ADAP2: variants seen among roughly 807,000 people sequenced by gnomAD.
ADAP2 encodes ArfGAP with dual PH domains 2.
ADAP2 carries 42 observed loss-of-function variants against 54.9 expected under a neutral mutation model. That is an observed-to-expected ratio of 0.77 (90% CI 0.60 to 0.99). ADAP2 has a LOEUF of 0.99. Among genes scored for constraint, ADAP2 ranks in the 50% least tolerant of loss-of-function variants. The pLI is 0.00. For synonymous variants in ADAP2, 177 were observed against 180.1 expected, an observed-to-expected ratio of 0.98 and a Z score of 0.14; for missense variants, 429 against 480.4, an observed-to-expected ratio of 0.89 and a Z score of 1.00.
chr17:30,941,358 C>T (rs968982847), intron 5 of ADAP2, among the ~76,000 whole-genome samples: 5 of 152,212 alleles, frequency 3.3e-5, no homozygotes, highest in African/African-American at 1.2e-4. Flanking sequence ...CTTGTCCCTC[C>T]TTAACAAGTT....
chr17:30,931,348 A>G (rs934122854), intron 3 of ADAP2, among the ~76,000 whole-genome samples: 10 of 152,216 alleles, frequency 6.6e-5, no homozygotes, highest in African/African-American at 2.4e-4. Flanking sequence ...TGCTACTGGC[A>G]TCTAATGGGT....
Position 30,956,487 on chromosome 17 carries a change from A to C in ADAP2, c.1111+18A>C. The C allele has an allele frequency of 1.2e-6, 2 of 1,612,092 alleles. No individual in the cohort carries two copies. Among genetic ancestry groups the C allele is most frequent in the Non-Finnish European group, 1.7e-6 (2 of 1,178,530 alleles). On this transcript the variant is annotated intron_variant, in intron 10 of 10. Transcript: ENST00000330889. Reference sequence around the variant, plus strand: ...CCGGCTTAGTAAGAAGCAGGAACTGAGGGGTGTTCTTTTGGACAAGGGCAG... The same window carrying C: ...CCGGCTTAGTAAGAAGCAGGAACTGCGGGGTGTTCTTTTGGACAAGGGCAG...
chr17:30,950,794 A>T (rs529099556), intron 7 of ADAP2, among the ~76,000 whole-genome samples: 12 of 152,324 alleles, frequency 7.9e-5, no homozygotes, highest in Admixed American at 6.5e-4. Context: ...TGCACCCAGA[A>T]CTGGTTAATG....
intron 5 of ADAP2, among the ~76,000 whole-genome samples, chr17:30,940,020 G>A (rs918844262): frequency 6.6e-6 from 1 of 152,074 alleles, no homozygotes; most frequent in Non-Finnish European, 1.5e-5. Context: ...GGAGTACAGT[G>A]GTGCAATTCT....
At chr17:30,933,842 C>T (rs1370733445) in intron 4 of ADAP2, among the ~76,000 whole-genome samples, 3 of 152,180 alleles carry the variant, frequency 2.0e-5, no homozygotes, top group Non-Finnish European at 4.4e-5. Context: ...TGAAGTTGGG[C>T]AGGACCATAT....
Position 30,922,030 on chromosome 17 carries a change from C to A in ADAP2, c.16C>A (p.Arg6Ser). ...CGGGCCGGCCATGGGCGATCGCGAG[C>A]GCAACAAGAAGCGGCTGCTGGAGCT... MGDRE[R>S]NKKRLLELLR... The change falls in exon 1 of 11, where the codon CGC (arginine) becomes AGC (serine). Residue 6 changes from arginine (R) to serine (S), a missense_variant. Transcript: ENST00000330889. 7.8e-7 allele frequency: 1 copy of A among 1,277,848 alleles called. No individual in the cohort carries two copies. Among genetic ancestry groups the A allele is most frequent in the South Asian group, 2.7e-5 (1 of 36,726 alleles). The allele number at this position is 1,277,848 out of a possible 1,614,324, so 79.2% of individuals were successfully genotyped here.
At chr17:30,952,798 T>C (rs771270434) in intron 7 of ADAP2, among the ~76,000 whole-genome samples, 2 of 152,168 alleles carry the variant, frequency 1.3e-5, no homozygotes, top group Non-Finnish European at 2.9e-5. Flanking sequence ...GAGTACAGTC[T>C]AGTGTCATTG....
intron 9 of ADAP2, among the ~76,000 whole-genome samples, chr17:30,955,986 A>G (rs991566185): frequency 2.6e-5 from 4 of 152,086 alleles, no homozygotes; most frequent in African/African-American, 7.2e-5. Context: ...GCCTCAGGCA[A>G]TCCTCTGCCT....
At chr17:30,944,847 G>T in intron 5 of ADAP2, 60 bp from the exon 6 acceptor site, 1 of 1,559,444 alleles carries the variant, frequency 6.4e-7, no homozygotes, top group South Asian at 1.2e-5. Context: ...CCTTGGTGAA[G>T]GTTGACCAGA....
At chr17:30,932,906 TG>T (rs1911603452) in intron 4 of ADAP2, among the ~76,000 whole-genome samples, 1 of 152,144 alleles carries the variant, frequency 6.6e-6, no homozygotes, top group Admixed American at 6.6e-5. Context: ...ACTCCTCCAC[TG>T]GACAGACCAA....
intron 4 of ADAP2, among the ~76,000 whole-genome samples, chr17:30,932,201 C>G (rs935980317): frequency 2.8e-5 from 4 of 145,122 alleles, no homozygotes; most frequent in Non-Finnish European, 6.0e-5. Context: ...TGTCTCAGGT[C>G]TTTGCAGGGT....
chr17:30,932,076 TC>T, intron 4 of ADAP2, 108 bp downstream of exon 4: 1 of 1,046,520 alleles, frequency 9.6e-7, no homozygotes, highest in Middle Eastern at 2.5e-4. Context: ...CCTGCTGTTC[TC>T]ACTGTGGCCG....
chr17:30,935,372 A>T (rs1377458800), intron 5 of ADAP2, among the ~76,000 whole-genome samples: 1 of 152,176 alleles, frequency 6.6e-6, no homozygotes, highest in Non-Finnish European at 1.5e-5. Flanking sequence ...CCGTCTCAAG[A>T]AAAAAAGAAG....
At chr17:30,951,424 A>G (rs1371869277) in intron 7 of ADAP2, among the ~76,000 whole-genome samples, 1 of 152,136 alleles carries the variant, frequency 6.6e-6, no homozygotes, top group Non-Finnish European at 1.5e-5. Flanking sequence ...TCCAAATGGA[A>G]CAATTAAAGC....
chr17:30,929,441 C>T (rs902530202), intron 3 of ADAP2, among the ~76,000 whole-genome samples: 7 of 152,194 alleles, frequency 4.6e-5, no homozygotes, highest in African/African-American at 1.2e-4. Context: ...TGAACACGTG[C>T]GCTGTGCTAG....
intron 7 of ADAP2, among the ~76,000 whole-genome samples, chr17:30,950,288 C>CT (rs1211857239): frequency 6.6e-6 from 1 of 152,174 alleles, no homozygotes; most frequent in Non-Finnish European, 1.5e-5. Context: ...TGTCTCCAGA[C>CT]TTCTGGGGCC....
chr17:30,931,840 AAAAAG>A, intron 3 of ADAP2, 44 bp from the exon 4 acceptor site: 1 of 1,464,996 alleles, frequency 6.8e-7, no homozygotes, highest in East Asian at 2.3e-5. Context: ...AAAAAAAAAA[AAAAAG>A]AGAATGCATC....
chr17:30,933,516 C>T (rs891785509), intron 4 of ADAP2, among the ~76,000 whole-genome samples: 1 of 147,794 alleles, frequency 6.8e-6, no homozygotes. Context: ...CCAGCAGATG[C>T]CCGGAGGGAG....
intron 4 of ADAP2, among the ~76,000 whole-genome samples, chr17:30,933,919 G>A (rs895952524): frequency 6.6e-6 from 1 of 152,144 alleles, no homozygotes; most frequent in Non-Finnish European, 1.5e-5. Context: ...CCTTCTTAAG[G>A]GTCTTCTTAT....
Sources: gnomAD v4.1 joint callset for allele counts (sites outside exome capture counted in the v4.1 genomes callset) on GRCh38, gnomAD v4.1.1 for gene constraint, MANE v1.5 for transcripts, NCBI Gene and HGNC (gene_info 2026-07-23, HGNC 2026-07-21) for gene names.